Variants in AKAP19 observed in about 807,000 individuals in gnomAD.
The protein encoded by AKAP19 is small A-kinase anchoring protein.
At chr2:190,078,352 A>G in the AKAP19 span, among the ~76,000 whole-genome samples, 2 of 152,190 alleles carry the variant, frequency 1.3e-5, no homozygotes. Flanking sequence ...AATTGTTTAC[A>G]GCAGGAAGGT....
At chr2:189,938,349 AAAAG>A in the AKAP19 span, among the ~76,000 whole-genome samples, 4 of 152,096 alleles carry the variant, frequency 2.6e-5, no homozygotes, top group African/African-American at 7.2e-5. Context: ...AAAAAAAAAA[AAAAG>A]AAAGAAAATG....
At chr2:190,041,069 G>A in the AKAP19 span, among the ~76,000 whole-genome samples, 4 of 152,268 alleles carry the variant, frequency 2.6e-5, no homozygotes, top group South Asian at 6.2e-4. Flanking sequence ...AATGTCATTC[G>A]TAGTTCGATG....
the AKAP19 span, among the ~76,000 whole-genome samples, chr2:190,046,361 G>C: frequency 1.3e-5 from 2 of 152,070 alleles, no homozygotes; most frequent in African/African-American, 2.4e-5. Context: ...TTTGAACAAT[G>C]CATGGAATAT....
At chr2:190,200,971 A>ATCTC in the AKAP19 span, 6 of 166,978 alleles carry the variant, frequency 3.6e-5, no homozygotes, top group African/African-American at 1.4e-4. Flanking sequence ...AAGCTTTACT[A>ATCTC]TCTCAGAGGT....
the AKAP19 span, among the ~76,000 whole-genome samples, chr2:190,176,206 T>G: frequency 6.6e-6 from 1 of 152,230 alleles, no homozygotes; most frequent in African/African-American, 2.4e-5. The surrounding 1 kb of genome is among the most constrained non-coding windows in gnomAD (Gnocchi z 4.7). Flanking sequence ...GCAATTTGAT[T>G]CTGGGAAAAT....
At chr2:190,041,597 G>A in the AKAP19 span, among the ~76,000 whole-genome samples, 1 of 152,182 alleles carries the variant, frequency 6.6e-6, no homozygotes, top group Non-Finnish European at 1.5e-5. Context: ...TTTTGTGCCA[G>A]TTTTCAAGGG....
At chr2:190,117,999 A>C in the AKAP19 span, among the ~76,000 whole-genome samples, 2 of 152,236 alleles carry the variant, frequency 1.3e-5, no homozygotes, top group African/African-American at 4.8e-5. Context: ...AAGAAAAAAG[A>C]ATCAAATAGA....
chr2:190,079,907 G>C, the AKAP19 span: 1 of 151,848 alleles, frequency 6.6e-6, no homozygotes, highest in Non-Finnish European at 1.5e-5. Context: ...GAGAGAGAGA[G>C]AGAAAGAGAG....
the AKAP19 span, among the ~76,000 whole-genome samples, chr2:189,951,028 C>T: frequency 2.0e-5 from 3 of 152,122 alleles, no homozygotes; most frequent in African/African-American, 4.8e-5. Context: ...ATCGTTTCTG[C>T]ACTTTCCTGG....
At chr2:189,901,738 C>A in the AKAP19 span, among the ~76,000 whole-genome samples, 3 of 152,158 alleles carry the variant, frequency 2.0e-5, no homozygotes, top group African/African-American at 7.2e-5. Flanking sequence ...AGCCAGTTGT[C>A]CCTCAAACTT....
At chr2:189,994,120 C>T in the AKAP19 span, among the ~76,000 whole-genome samples, 1 of 151,694 alleles carries the variant, frequency 6.6e-6, no homozygotes, top group African/African-American at 2.4e-5. Flanking sequence ...AAGCGATTCT[C>T]CTGCCTCAGC....
the AKAP19 span, among the ~76,000 whole-genome samples, chr2:189,972,691 C>T: frequency 6.6e-6 from 1 of 152,096 alleles, no homozygotes; most frequent in Non-Finnish European, 1.5e-5. Context: ...TTGAAGAGGT[C>T]CTTCACATCC....
the AKAP19 span, among the ~76,000 whole-genome samples, chr2:190,123,052 T>A: frequency 6.6e-6 from 1 of 152,086 alleles, no homozygotes; most frequent in Non-Finnish European, 1.5e-5. Flanking sequence ...CCTCAAGTGA[T>A]CCTCCTGCCC....
the AKAP19 span, among the ~76,000 whole-genome samples, chr2:189,906,217 G>T: frequency 1.3e-5 from 2 of 152,038 alleles, no homozygotes; most frequent in African/African-American, 4.8e-5. Context: ...TTAGCAACAT[G>T]TCAGGCATTT....
chr2:190,159,898 TTAAGC>T, the AKAP19 span, among the ~76,000 whole-genome samples: 18 of 152,214 alleles, frequency 1.2e-4, no homozygotes, highest in Non-Finnish European at 2.2e-4. Context: ...TCTGAAAACA[TTAAGC>T]TATTATGAAC....
chr2:190,031,946 A>C, the AKAP19 span, among the ~76,000 whole-genome samples: 2 of 152,206 alleles, frequency 1.3e-5, no homozygotes, highest in African/African-American at 4.8e-5. Context: ...CCCATTTCAA[A>C]ATATTGATCT....
At chr2:189,890,089 G>A in the AKAP19 span, among the ~76,000 whole-genome samples, 1 of 152,172 alleles carries the variant, frequency 6.6e-6, no homozygotes, top group East Asian at 1.9e-4. Flanking sequence ...TCTAAACACT[G>A]CTTTAGTTGT....
At chr2:190,101,998 A>G in the AKAP19 span, among the ~76,000 whole-genome samples, 47 of 152,340 alleles carry the variant, frequency 3.1e-4, no homozygotes, top group Admixed American at 2.4e-3. Context: ...AATACCAACC[A>G]TACTCTCAGA....
chr2:190,012,023 G>A, the AKAP19 span, among the ~76,000 whole-genome samples: 1 of 152,074 alleles, frequency 6.6e-6, no homozygotes, highest in African/African-American at 2.4e-5. Flanking sequence ...ATCACTTTGG[G>A]TAGTATGAAC....
Sources: gnomAD v4.1 joint callset for allele counts (sites outside exome capture counted in the v4.1 genomes callset) on GRCh38, gnomAD v4.1.1 for gene constraint, Gnocchi (gnomAD v3.1) non-coding constraint, MANE v1.5 for transcripts, NCBI Gene and HGNC (gene_info 2026-07-23, HGNC 2026-07-21) for gene names.